The following THRB variants were observed in gnomAD, a reference collection of about 807,000 sequenced individuals.
The protein encoded by THRB is nuclear receptor subfamily 1 group A member 2.
A neutral mutation model predicts 47.8 loss-of-function variants in THRB; 12 were observed. The ratio of observed to expected loss-of-function variants is 0.25; its 90% CI spans 0.16 to 0.41. The LOEUF is 0.41. Among genes scored for constraint, THRB ranks in the 10% least tolerant of loss-of-function variants. THRB has a pLI of 1.00. For missense variants in THRB, 348 were observed against 589.2 expected (o/e 0.59, Z 4.24); for synonymous variants, 218 against 212.2 (o/e 1.03, Z -0.24).
At chr3:24,212,577 CAAAAA>C (rs1199010853) in intron 4 of THRB, among the ~76,000 whole-genome samples, 6 of 84,098 alleles carry the variant, frequency 7.1e-5, no homozygotes, top group Admixed American at 4.4e-4. Context: ...GACTCCGTCT[CAAAAA>C]AAAAAAAAAA....
intron 2 of THRB, among the ~76,000 whole-genome samples, chr3:24,336,354 G>A (rs571408703): frequency 6.6e-6 from 1 of 152,342 alleles, no homozygotes; most frequent in East Asian, 1.9e-4. Flanking sequence ...GCATTCAAAA[G>A]GCCTGGCTCC....
Position 24,360,989 on chromosome 3 carries a change from G to A in THRB, c.-260-23618C>T, listed in dbSNP as rs2064023711. ...AGCCAAGGTTGAAAACCACTGGGTT[G>A]GCTCCTACAGCTCCAGCTGATGGTT... On this transcript the variant is annotated intron_variant, in intron 1 of 10. Transcript: ENST00000646209. Among the ~76,000 whole-genome samples, 3 of 152,164 alleles carry A rather than the reference G, an allele frequency of 2.0e-5. No homozygotes were observed. The South Asian group carries it at 6.2e-4, about 31-fold the overall frequency.
chr3:24,329,638 T>A (rs2061790809), intron 2 of THRB, among the ~76,000 whole-genome samples: 2 of 152,256 alleles, frequency 1.3e-5, no homozygotes, highest in Non-Finnish European at 2.9e-5. Flanking sequence ...CAGTCATGTA[T>A]CCTTTCCACC....
chr3:24,316,989 T>C (rs1008856713), intron 2 of THRB, among the ~76,000 whole-genome samples: 3 of 152,184 alleles, frequency 2.0e-5, no homozygotes, highest in Admixed American at 6.5e-5. Context: ...TAACATTGCA[T>C]TACAAACATT....
intron 1 of THRB, among the ~76,000 whole-genome samples, chr3:24,402,943 C>T (rs1340275164): frequency 6.6e-6 from 1 of 151,898 alleles, no homozygotes; most frequent in African/African-American, 2.4e-5. Context: ...CAATTGATCA[C>T]CTAGAGTGAC....
intron 1 of THRB, among the ~76,000 whole-genome samples, chr3:24,441,446 C>T (rs1241388382): frequency 2.6e-5 from 4 of 152,084 alleles, no homozygotes; most frequent in Non-Finnish European, 5.9e-5. Context: ...TCTTTTGTGC[C>T]CTGCTATGTA....
intron 1 of THRB, among the ~76,000 whole-genome samples, chr3:24,436,848 A>G (rs1373426180): frequency 6.6e-6 from 1 of 152,110 alleles, no homozygotes; most frequent in African/African-American, 2.4e-5. Flanking sequence ...TCTTCACATG[A>G]TGATCAAAGA....
At chr3:24,152,967 AAAAAAAGAAAGAAAG>A (rs1325784024) in intron 5 of THRB, among the ~76,000 whole-genome samples, 17 of 71,046 alleles carry the variant, frequency 2.4e-4, no homozygotes, top group Admixed American at 1.2e-3. Flanking sequence ...TGCCAAAAAA[AAAAAAAGAAAGAAAG>A]AAAGAAAGAA....
At chr3:24,393,703 A>C (rs2066746952) in intron 1 of THRB, among the ~76,000 whole-genome samples, 1 of 152,150 alleles carries the variant, frequency 6.6e-6, no homozygotes, top group Admixed American at 6.6e-5. Context: ...AAAGTCATGG[A>C]CAGTAGCAAT....
intron 4 of THRB, among the ~76,000 whole-genome samples, chr3:24,220,971 G>C (rs2047100166): frequency 6.6e-6 from 1 of 152,230 alleles, no homozygotes; most frequent in East Asian, 1.9e-4. Flanking sequence ...CCATGGCTTA[G>C]AGAAAATGAC....
intron 3 of THRB, among the ~76,000 whole-genome samples, chr3:24,258,689 C>A (rs892555380): frequency 2.6e-5 from 4 of 152,070 alleles, no homozygotes; most frequent in Non-Finnish European, 4.4e-5. Flanking sequence ...CTTTGAATAC[C>A]AACAGCTTTT....
rs144422180 is a variant in THRB, at chr3:24,442,318, G to C, written c.-261+52334C>G. Among the ~76,000 whole-genome samples the C allele has an allele frequency of 7.4e-3, 1,126 of 152,250 alleles. 5 individuals carry two copies. Among genetic ancestry groups the C allele is most frequent in the Non-Finnish European group, 0.012 (845 of 68,030 alleles). On this transcript the variant is annotated intron_variant, in intron 1 of 10. Coordinates refer to ENST00000646209, the MANE Select transcript of THRB (RefSeq NM_001354712.2). ...CCTCACAATCGGATGAGGAAACCAC[G>C]GCACAGAAAATTCAAGTAACTTGTT...
intron 2 of THRB, among the ~76,000 whole-genome samples, chr3:24,331,047 T>A (rs944192242): frequency 9.2e-5 from 14 of 152,054 alleles, no homozygotes; most frequent in Admixed American, 9.2e-4. Flanking sequence ...ATGATCTTTT[T>A]TTGGATATAA....
intron 1 of THRB, among the ~76,000 whole-genome samples, chr3:24,344,527 A>G (rs879826613): frequency 3.3e-5 from 5 of 152,122 alleles, no homozygotes; most frequent in Non-Finnish European, 7.4e-5. Flanking sequence ...AAACAGAAAC[A>G]AATAACATTT....
At chr3:24,130,493 G>A (rs914124160) in intron 9 of THRB, among the ~76,000 whole-genome samples, 2 of 152,106 alleles carry the variant, frequency 1.3e-5, no homozygotes, top group African/African-American at 4.8e-5. Flanking sequence ...CATATGACTG[G>A]CAGGCTGGCT....
At chr3:24,192,211 G>C (rs919717814) in intron 4 of THRB, among the ~76,000 whole-genome samples, 2 of 152,104 alleles carry the variant, frequency 1.3e-5, no homozygotes, top group South Asian at 2.1e-4. Flanking sequence ...ATTGCATTTC[G>C]AGCTAAACAT....
chr3:24,348,264 T>C (rs1344826320), intron 1 of THRB, among the ~76,000 whole-genome samples: 1 of 152,106 alleles, frequency 6.6e-6, no homozygotes, highest in Non-Finnish European at 1.5e-5. Context: ...CTATTCATGA[T>C]AAAACACTCA....
chr3:24,208,906 A>T (rs1256247875), intron 4 of THRB, among the ~76,000 whole-genome samples: 1 of 152,234 alleles, frequency 6.6e-6, no homozygotes, highest in Non-Finnish European at 1.5e-5. Flanking sequence ...TGAACAGGCA[A>T]CCTATGGAAT....
chr3:24,271,608 C>T (rs1318884217), intron 3 of THRB, among the ~76,000 whole-genome samples: 2 of 152,138 alleles, frequency 1.3e-5, no homozygotes, highest in Non-Finnish European at 2.9e-5. Context: ...CCCCTGGGCC[C>T]TCTTTGAATT....
Sources: gnomAD v4.1 joint callset for allele counts (sites outside exome capture counted in the v4.1 genomes callset) on GRCh38, gnomAD v4.1.1 for gene constraint, MANE v1.5 for transcripts, NCBI Gene and HGNC (gene_info 2026-07-23, HGNC 2026-07-21) for gene names.